The following FER1L6 variants were observed in gnomAD, a reference collection of about 807,000 sequenced individuals.
FER1L6 encodes fer-1-like protein 6.
In FER1L6, 177 loss-of-function variants were observed where a neutral mutation model predicts 219.2. The ratio of observed to expected loss-of-function variants is 0.81; its 90% CI spans 0.71 to 0.91. FER1L6 has a LOEUF of 0.91. Among genes scored for constraint, FER1L6 ranks in the 40% least tolerant of loss-of-function variants. The pLI is 0.00. For missense variants in FER1L6, 2,153 were observed against 2,259.9 expected, an observed-to-expected ratio of 0.95 and a Z score of 0.96; for synonymous variants, 768 against 824.3, an observed-to-expected ratio of 0.93 and a Z score of 1.17.
chr8:124,031,038 T>C (rs1408505134), intron 18 of FER1L6, among the ~76,000 whole-genome samples: 1 of 152,110 alleles, frequency 6.6e-6, no homozygotes, highest in Non-Finnish European at 1.5e-5. Flanking sequence ...TTTTCTCTGT[T>C]GTGTTTTCTT....
At chr8:124,000,651 G>A (rs896507424) in intron 12 of FER1L6, among the ~76,000 whole-genome samples, 1 of 152,150 alleles carries the variant, frequency 6.6e-6, no homozygotes, top group East Asian at 1.9e-4. Context: ...CATACAAAGT[G>A]CCATGCATAC....
At chr8:123,948,694 T>G (rs972614239) in intron 1 of FER1L6, among the ~76,000 whole-genome samples, 5 of 152,298 alleles carry the variant, frequency 3.3e-5, no homozygotes, top group South Asian at 2.1e-4. Context: ...TAAATTCAGT[T>G]AGTAATTAAA....
At position 123,966,410 on chromosome 8, in the gene FER1L6, A is replaced by G. The variant is rs1367937699; in HGVS notation, c.384+120A>G. On this transcript the variant is annotated intron_variant, in intron 5 of 40. Coordinates refer to ENST00000522917, the MANE Select transcript of FER1L6 (RefSeq NM_001039112.2). ...CTGCCTCCCTCCCTGGCCCCCAGTT[A>G]AGCCCATGGCAAACTGATTCTTCTT... is the stretch of plus-strand genomic sequence containing the variant. 2 of 1,287,214 alleles carry G rather than the reference A, an allele frequency of 1.6e-6. 1 individual carries two copies. Among genetic ancestry groups the G allele is most frequent in the South Asian group, 2.9e-5 (2 of 69,540 alleles). 79.7% of individuals were successfully genotyped at this position (1,287,214 alleles called of 1,614,324 possible). A position where few individuals can be genotyped will look rare whatever the true frequency, so the allele number is the denominator to read the frequency against.
chr8:124,086,475 T>C (rs1461995702), intron 33 of FER1L6, among the ~76,000 whole-genome samples: 2 of 151,948 alleles, frequency 1.3e-5, no homozygotes. Context: ...ATAAAACTGA[T>C]GAAAACTCTA....
At chr8:124,064,304 G>C in intron 25 of FER1L6, 43 bp from the exon 26 acceptor site, 1 of 1,539,714 alleles carries the variant, frequency 6.5e-7, no homozygotes, top group Non-Finnish European at 9.0e-7. Flanking sequence ...CGACCACCCT[G>C]TGATGCAGCC....
chr8:124,108,293 T>C (rs1349774184), intron 39 of FER1L6, among the ~76,000 whole-genome samples: 1 of 152,230 alleles, frequency 6.6e-6, no homozygotes, highest in Non-Finnish European at 1.5e-5. Flanking sequence ...GTCTGAACTT[T>C]ACTATGAGCC....
chr8:124,117,979 CCCT>C (rs1823319589), intron 39 of FER1L6, among the ~76,000 whole-genome samples: 1 of 152,168 alleles, frequency 6.6e-6, no homozygotes, highest in African/African-American at 2.4e-5. Flanking sequence ...AGCTCTGCCT[CCCT>C]CCTATCACCT....
chr8:123,924,701 GA>G (rs1367451526), intron 1 of FER1L6: 55 of 152,166 alleles, frequency 3.6e-4, no homozygotes, highest in African/African-American at 1.3e-3. Context: ...TATGCATTTA[GA>G]ATGCTACTAG....
At chr8:123,896,173 C>T (rs138922031) in intron 1 of FER1L6, among the ~76,000 whole-genome samples, 1 of 152,252 alleles carries the variant, frequency 6.6e-6, no homozygotes, top group African/African-American at 2.4e-5. Flanking sequence ...CAGGGATAGA[C>T]AGGAGAGTGG....
intron 27 of FER1L6, 49 bp from the exon 28 acceptor site, chr8:124,067,718 T>G (rs1469713425): frequency 6.7e-7 from 1 of 1,486,996 alleles, no homozygotes; most frequent in African/African-American, 1.4e-5. Flanking sequence ...AGCAGTCAAT[T>G]AATAAATCAA....
chr8:124,011,836 G>A (rs78966818), intron 14 of FER1L6, among the ~76,000 whole-genome samples: 4,832 of 152,134 alleles, frequency 0.032, 244 homozygotes, highest in African/African-American at 0.11. Flanking sequence ...CAATATATTT[G>A]TGTGTTTATT....
intron 1 of FER1L6, among the ~76,000 whole-genome samples, chr8:123,879,320 T>A (rs1392766396): frequency 6.6e-6 from 1 of 151,994 alleles, no homozygotes; most frequent in Non-Finnish European, 1.5e-5. Flanking sequence ...GATTCAATAT[T>A]ATTATTATTT....
chr8:124,067,010 G>A (rs1372560507), intron 27 of FER1L6, among the ~76,000 whole-genome samples: 1 of 152,148 alleles, frequency 6.6e-6, no homozygotes, highest in Non-Finnish European at 1.5e-5. Flanking sequence ...GGTATTATAA[G>A]TGGGTTTACA....
At chr8:124,003,893 G>A (rs1448232458) in intron 13 of FER1L6, among the ~76,000 whole-genome samples, 3 of 152,044 alleles carry the variant, frequency 2.0e-5, no homozygotes, top group African/African-American at 7.2e-5. Flanking sequence ...ATTCATTTAA[G>A]GGCAGAGCAA....
chr8:124,020,079 G>T (rs977771468), intron 16 of FER1L6, among the ~76,000 whole-genome samples: 4 of 152,116 alleles, frequency 2.6e-5, no homozygotes, highest in African/African-American at 9.7e-5. Context: ...GTCTTCCCAT[G>T]CTGTTTTCAT....
intron 1 of FER1L6, among the ~76,000 whole-genome samples, chr8:123,902,220 G>A (rs556822095): frequency 1.3e-5 from 2 of 152,208 alleles, no homozygotes; most frequent in South Asian, 2.1e-4. Context: ...TCATTTTATG[G>A]CCTATCACAT....
At chr8:124,069,543 G>A in intron 29 of FER1L6, 68 bp downstream of exon 29, 1 of 1,150,906 alleles carries the variant, frequency 8.7e-7, no homozygotes, top group South Asian at 1.4e-5. Context: ...TTCTGTCAGT[G>A]CTTTGGTCAA....
intron 24 of FER1L6, among the ~76,000 whole-genome samples, chr8:124,061,320 C>T (rs188651461): frequency 2.6e-4 from 40 of 152,100 alleles, no homozygotes; most frequent in African/African-American, 7.7e-4. Context: ...AATTGCTTTG[C>T]CCAACCCAGC....
intron 34 of FER1L6, 139 bp from the exon 35 acceptor site, chr8:124,094,757 G>T (rs540159359): frequency 1.1e-6 from 1 of 944,236 alleles, no homozygotes; most frequent in Non-Finnish European, 1.6e-6. Context: ...AAAGTGCTGG[G>T]ATTACAGGTG....
Sources: allele counts gnomAD v4.1 joint callset (sites outside exome capture counted in the v4.1 genomes callset), GRCh38; gene constraint gnomAD v4.1.1; transcripts MANE v1.5; gene names NCBI Gene and HGNC (gene_info 2026-07-23, HGNC 2026-07-21).